Variants in SHROOM2 observed in about 807,000 individuals in gnomAD.
The protein encoded by SHROOM2 is shroom family member 2, also known as protein Shroom2.
A neutral mutation model predicts 75.9 loss-of-function variants in SHROOM2; 33 were observed. That is an observed-to-expected ratio of 0.43 (90% CI 0.33 to 0.58). The LOEUF (loss-of-function observed/expected upper bound fraction) is 0.58, where lower values mean the gene tolerates loss of function less well. Ranked by LOEUF, SHROOM2 falls within the 20% of genes least tolerant of loss-of-function variation. SHROOM2 has a pLI of 0.04. For synonymous variants in SHROOM2, 655 were observed against 663.6 expected, an observed-to-expected ratio of 0.99 and a Z score of 0.20; for missense variants, 1,434 against 1,461.2, an observed-to-expected ratio of 0.98 and a Z score of 0.30.
chrX:9,798,666 A>G (rs1009676645), intron 1 of SHROOM2, among the ~76,000 whole-genome samples: 4 of 112,019 alleles, frequency 3.6e-5, no homozygotes, highest in Non-Finnish European at 3.8e-5. Context: ...AAGAAATGGT[A>G]TGTTTTGTTG....
chrX:9,937,884 G>C (rs2147061005), intron 7 of SHROOM2, among the ~76,000 whole-genome samples, 199 bp downstream of exon 7: 1 of 112,298 alleles, frequency 8.9e-6, no homozygotes, highest in East Asian at 2.8e-4. Context: ...ACGGCTTTGG[G>C]CCTGACATGA....
intron 6 of SHROOM2, among the ~76,000 whole-genome samples, chrX:9,935,451 A>G: frequency 9.0e-6 from 1 of 111,054 alleles, no homozygotes; most frequent in East Asian, 2.8e-4. Context: ...CAGTGCTGGG[A>G]TTCCAGGTGT....
chrX:9,804,579 C>T (rs1455517901), intron 1 of SHROOM2, among the ~76,000 whole-genome samples: 1 of 111,644 alleles, frequency 9.0e-6, no homozygotes, highest in African/African-American at 3.3e-5. Flanking sequence ...TTGTGGCCCT[C>T]TGGAAACGTG....
chrX:9,889,766 A>G (rs2084280300), intron 2 of SHROOM2, among the ~76,000 whole-genome samples: 1 of 111,667 alleles, frequency 9.0e-6, no homozygotes, highest in South Asian at 3.7e-4. Flanking sequence ...GTTGACTAAG[A>G]GGCTCAGGGG....
At chrX:9,893,619 G>A (rs1215672824) in intron 3 of SHROOM2, among the ~76,000 whole-genome samples, 2 of 111,773 alleles carry the variant, frequency 1.8e-5, no homozygotes, top group Admixed American at 9.5e-5. Context: ...AGGTGAAATA[G>A]GAGAAATAGT....
intron 1 of SHROOM2, among the ~76,000 whole-genome samples, chrX:9,808,780 T>G (rs2083773281): frequency 9.1e-6 from 1 of 110,379 alleles, no homozygotes; most frequent in South Asian, 3.9e-4. Context: ...GAGAATCGCT[T>G]GAACCTGGGA....
intron 1 of SHROOM2, among the ~76,000 whole-genome samples, chrX:9,852,996 G>A (rs1421713494): frequency 1.8e-5 from 2 of 111,647 alleles, no homozygotes; most frequent in Non-Finnish European, 3.8e-5. Flanking sequence ...TAGAAAAGCC[G>A]GCATCTTTAC....
At chrX:9,883,924 C>T (rs2084245424) in intron 2 of SHROOM2, among the ~76,000 whole-genome samples, 2 of 111,766 alleles carry the variant, frequency 1.8e-5, no homozygotes, top group Non-Finnish European at 3.8e-5. Flanking sequence ...CTGAGGCCCC[C>T]AGACTGTTTC....
At chrX:9,849,712 G>A (rs1000942772) in intron 1 of SHROOM2, among the ~76,000 whole-genome samples, 8 of 111,953 alleles carry the variant, frequency 7.1e-5, no homozygotes, top group Non-Finnish European at 1.9e-5. Flanking sequence ...GAAGGAGGCA[G>A]TTGTGGGAAG....
chrX:9,905,285 T>G (rs2084385726), intron 5 of SHROOM2, among the ~76,000 whole-genome samples: 1 of 112,881 alleles, frequency 8.9e-6, no homozygotes, highest in African/African-American at 3.2e-5. Flanking sequence ...GCCCACACAT[T>G]TGAAATAAAA....
intron 1 of SHROOM2, among the ~76,000 whole-genome samples, chrX:9,851,631 A>AT (rs746554166): frequency 0.012 from 1,056 of 90,678 alleles, 18 homozygotes; most frequent in African/African-American, 0.036. Flanking sequence ...AAATTTTTGT[A>AT]TTTTTTTTTT....
At chrX:9,791,869 C>T (rs1395220825) in intron 1 of SHROOM2, among the ~76,000 whole-genome samples, 1 of 108,837 alleles carries the variant, frequency 9.2e-6, no homozygotes, top group Non-Finnish European at 1.9e-5. Flanking sequence ...GTGGTGCATG[C>T]CTGTAATTCC....
rs2084831052 is a variant in SHROOM2 at position 9,947,365 on chromosome X, T to C, written c.*428T>C. 1 of 138,286 alleles carries C rather than the reference T, an allele frequency of 7.2e-6. No homozygotes were observed. Among genetic ancestry groups the C allele is most frequent in the African/African-American group, 3.2e-5 (1 of 31,603 alleles). The allele number at this position is 138,286 out of a possible 1,213,427, so 11.4% of individuals were successfully genotyped here. On this transcript the variant is annotated 3_prime_UTR_variant, in exon 10 of 10. Coordinates refer to ENST00000380913, the MANE Select transcript of SHROOM2 (RefSeq NM_001649.4). Reference sequence around the variant, plus strand: ...CCCTGGTGCTCATCTTCTCTTGTCATTCATCCAGGCATGGGCTGCCAGGTT... The same window carrying C: ...CCCTGGTGCTCATCTTCTCTTGTCACTCATCCAGGCATGGGCTGCCAGGTT...
intron 5 of SHROOM2, among the ~76,000 whole-genome samples, chrX:9,899,142 C>G (rs960664025): frequency 1.8e-5 from 2 of 109,776 alleles, no homozygotes; most frequent in Non-Finnish European, 3.8e-5. Flanking sequence ...CCCAGCTACC[C>G]TGGAGGCTGA....
intron 1 of SHROOM2, among the ~76,000 whole-genome samples, chrX:9,870,745 T>C (rs2084166663): frequency 8.9e-6 from 1 of 112,282 alleles, no homozygotes; most frequent in South Asian, 3.7e-4. Context: ...GAAATTATTC[T>C]TTATTCTGAG....
chrX:9,931,125 A>T (rs372299355), intron 5 of SHROOM2, among the ~76,000 whole-genome samples: 56 of 111,317 alleles, frequency 5.0e-4, no homozygotes, highest in African/African-American at 1.8e-3. Context: ...GACTTCTTTG[A>T]GTGGGGTTGC....
Position 9,932,425 on chromosome X carries a change from T to C in SHROOM2, c.3142T>C (p.Ser1048Pro), listed in dbSNP as rs761698870. The change falls in exon 6 of 10, where the codon TCG (serine) becomes CCG (proline). Residue 1048 changes from serine to proline, a missense_variant. Physicochemically the swap from Ser to Pro is moderately conservative, Grantham distance 74. Coordinates refer to ENST00000380913, the MANE Select transcript of SHROOM2 (RefSeq NM_001649.4). ...ACCCCTGCATGCTCGAGGACAAGAC[T>C]CGTGGCCAGTGAGCTCAGCCCTGCT... is the stretch of plus-strand genomic sequence containing the variant. The part of the protein sequence containing the change: ...GSPLHARGQD[S>P]WPVSSALLSK... The C allele has an allele frequency of 1.2e-5, 14 of 1,206,716 alleles. No individual in the cohort carries two copies. The highest frequency in any genetic ancestry group is 2.2e-5 in the Admixed American group (1 of 45,595).
At chrX:9,861,034 G>A (rs995976323) in intron 1 of SHROOM2, among the ~76,000 whole-genome samples, 1 of 112,210 alleles carries the variant, frequency 8.9e-6, no homozygotes, top group African/African-American at 3.2e-5. Flanking sequence ...GGCAATGGGG[G>A]ATTGTTCATT....
intron 5 of SHROOM2, among the ~76,000 whole-genome samples, chrX:9,929,360 C>T (rs1393051612): frequency 8.9e-6 from 1 of 112,203 alleles, no homozygotes; most frequent in Non-Finnish European, 1.9e-5. Context: ...TGGAGCGCGC[C>T]CCGTGCTGCA....
Sources: allele counts gnomAD v4.1 joint callset (sites outside exome capture counted in the v4.1 genomes callset), GRCh38; gene constraint gnomAD v4.1.1; transcripts MANE v1.5; gene names NCBI Gene and HGNC (gene_info 2026-07-23, HGNC 2026-07-21).